ANK2: variants seen among roughly 807,000 people sequenced by gnomAD.
The protein encoded by ANK2 is ankyrin-2.
A neutral mutation model predicts 360.5 loss-of-function variants in ANK2; 83 were observed. The observed-to-expected ratio is 0.23, with a 90% confidence interval of 0.19 to 0.28. The LOEUF is 0.28. Ranked by LOEUF, ANK2 falls within the 10% of genes least tolerant of loss-of-function variation. The probability of loss-of-function intolerance (pLI) is 1.00; values close to 1 mark genes in which losing one functional copy is unlikely to be tolerated. For synonymous variants in ANK2, 1,740 were observed against 1,759.5 expected, an observed-to-expected ratio of 0.99 and a Z score of 0.28; for missense variants, 4,201 against 4,795.7, an observed-to-expected ratio of 0.88 and a Z score of 3.66.
intron 14 of ANK2, among the ~76,000 whole-genome samples, chr4:113,273,358 G>A (rs2059176632): frequency 1.3e-5 from 2 of 152,308 alleles, no homozygotes; most frequent in African/African-American, 4.8e-5. Flanking sequence ...AATTGCAAAT[G>A]TTCACAAAAT....
At chr4:113,017,600 ATAT>A (rs2154295715) in intron 2 of ANK2, among the ~76,000 whole-genome samples, 1 of 152,308 alleles carries the variant, frequency 6.6e-6, no homozygotes, top group East Asian at 1.9e-4. Flanking sequence ...TTGGAAACCC[ATAT>A]TATTTGGGTT....
At chr4:113,187,215 A>G (rs2098548034) in intron 2 of ANK2, among the ~76,000 whole-genome samples, 1 of 152,214 alleles carries the variant, frequency 6.6e-6, no homozygotes, top group South Asian at 2.1e-4. Context: ...CCTTGGGAAA[A>G]AGAGAATTTG....
intron 1 of ANK2, chr4:112,826,856 T>C: frequency 7.0e-7 from 1 of 1,438,150 alleles, no homozygotes; most frequent in Non-Finnish European, 9.8e-7. Flanking sequence ...GCTTCAGGGA[T>C]GAAGATGACA....
At chr4:112,885,346 A>G (rs181181116) in intron 1 of ANK2, among the ~76,000 whole-genome samples, 2,543 of 151,592 alleles carry the variant, frequency 0.017, 36 homozygotes, top group Middle Eastern at 0.031. Context: ...TAAAAATATA[A>G]AAATTAGCTG....
At position 112,935,120 on chromosome 4, in the gene ANK2, A is replaced by AGTGTGT. The variant is rs10601105; in HGVS notation, c.21+30627_21+30632dup. ...AAGTGTAGGAACCGAAGTCAGAGAA[A>AGTGTGT]GTGTGTGTGTGTGTGTGTGTGTGTG... On this transcript the variant is annotated intron_variant, in intron 2 of 30. Transcript: ENST00000503271. Among the ~76,000 whole-genome samples, 1,216 of 148,852 alleles carry AGTGTGT rather than the reference A, an allele frequency of 8.2e-3. 11 individuals are homozygous for AGTGTGT. Among genetic ancestry groups the AGTGTGT allele is most frequent in the African/African-American group, 0.028 (1,130 of 40,714 alleles).
chr4:113,069,836 T>G (rs1252638759), intron 1 of ANK2: 1 of 152,218 alleles, frequency 6.6e-6, no homozygotes, highest in South Asian at 2.1e-4. Context: ...CAACCAGTAG[T>G]GCTGCTGCCG....
In ANK2 at chr4:113,087,484, C is replaced by A. The variant is rs552684872; in HGVS notation, c.84+37672C>A. Among the ~76,000 whole-genome samples the A allele has an allele frequency of 3.9e-5, 6 of 152,140 alleles. No homozygotes were observed. The East Asian group carries it at 1.2e-3, about 29-fold the overall frequency. ...TGTTATTCTATAGAAATTTAAAGTT[C>A]TTATCCATTATACTAAACTCATTGT... On this transcript the variant is annotated intron_variant, in intron 1 of 45. Coordinates refer to ENST00000357077, the MANE Select transcript of ANK2 (RefSeq NM_001148.6).
At chr4:112,815,829 C>G (rs2055585831), upstream of ANK2, among the ~76,000 whole-genome samples, 1 of 152,204 alleles carries the variant, frequency 6.6e-6, no homozygotes, top group Non-Finnish European at 1.5e-5. Flanking sequence ...ACCACGGGGA[C>G]AGAAGCTCCT....
At chr4:113,233,214 A>C (rs1464650487) in intron 5 of ANK2, among the ~76,000 whole-genome samples, 6 of 131,320 alleles carry the variant, frequency 4.6e-5, no homozygotes, top group Non-Finnish European at 7.8e-5. Flanking sequence ...GGCTCACTGC[A>C]AGCTCCGCCT....
In ANK2 at chr4:113,355,036, A is replaced by G. The variant is rs2095659239; in HGVS notation, c.6418A>G (p.Ile2140Val). 3 of 1,614,050 alleles carry G rather than the reference A, an allele frequency of 1.9e-6. No homozygotes were observed. Among genetic ancestry groups the G allele is most frequent in the African/African-American group, 1.3e-5 (1 of 75,060 alleles). Residue 2140 changes from isoleucine to valine, a missense_variant, in exon 38 of 46, where the codon ATT (isoleucine) becomes GTT (valine). Ile to Val is a conservative substitution (Grantham distance 29). Around this residue, in one of 4 missense-constraint regions of ANK2, gnomAD observed 2,642 missense variants for 2,714.5 expected, o/e 0.97. Coordinates refer to ENST00000357077, the MANE Select transcript of ANK2 (RefSeq NM_001148.6). ...RKTSTDFSEV[I>V]KQELEDNDKY... is the part of the protein sequence containing the mutation. ...AACCTCCACTGACTTCTCTGAGGTC[A>G]TTAAGCAAGAGTTGGAAGACAATGA...
intron 4 of ANK2, among the ~76,000 whole-genome samples, chr4:113,225,256 T>G (rs2099203491): frequency 6.6e-6 from 1 of 152,172 alleles, no homozygotes. Flanking sequence ...CCAGCAGCAT[T>G]TTATTCATGT....
chr4:112,990,327 C>G (rs2154278056), intron 2 of ANK2, among the ~76,000 whole-genome samples: 1 of 152,080 alleles, frequency 6.6e-6, no homozygotes, highest in East Asian at 1.9e-4. Flanking sequence ...AACTTGGAGT[C>G]CGTTAAAAGG....
intron 2 of ANK2, among the ~76,000 whole-genome samples, chr4:113,032,279 GT>G (rs1014072118): frequency 3.9e-5 from 6 of 152,030 alleles, no homozygotes; most frequent in Non-Finnish European, 8.8e-5. Flanking sequence ...TTTTGAATTG[GT>G]TTCTAATATA....
rs72556376 is a variant in ANK2 at position 113,360,843 on chromosome 4, C to T, written c.10702C>T (p.Arg3568Trp). The T allele has an allele frequency of 1.2e-4, 197 of 1,612,676 alleles. No homozygotes were observed. Among genetic ancestry groups the T allele is most frequent in the Middle Eastern group, 1.2e-3 (7 of 6,054 alleles). ...TCCAGATCCACAGGATGAGCAGGAA[C>T]GGATCGAGGAAAGGCTGGCTTATAT... ...HAEDPQDEQE[R>W]IEERLAYIAD... is the part of the protein sequence containing the mutation. The change falls in exon 39 of 46, where the codon CGG (arginine) becomes TGG (tryptophan). Residue 3568 changes from arginine to tryptophan, a missense_variant. Transcript: ENST00000357077.
At chr4:112,722,473 C>T in the ANK2 span, among the ~76,000 whole-genome samples, 1 of 152,124 alleles carries the variant, frequency 6.6e-6, no homozygotes, top group African/African-American at 2.4e-5. Context: ...TAACAGGAGG[C>T]CAGAAGTTGT....
intron 24 of ANK2, among the ~76,000 whole-genome samples, chr4:113,316,741 A>G (rs941584977): frequency 6.6e-6 from 1 of 152,234 alleles, no homozygotes; most frequent in African/African-American, 2.4e-5. Context: ...GATTTTACAA[A>G]TTGATTTAAA....
intron 37 of ANK2, among the ~76,000 whole-genome samples, chr4:113,351,969 A>C (rs1021909250): frequency 6.6e-6 from 1 of 152,206 alleles, no homozygotes; most frequent in East Asian, 1.9e-4. Context: ...TTTCTTCCTT[A>C]ACCTTAATGG....
chr4:113,140,561 A>T (rs1263112058), intron 1 of ANK2, among the ~76,000 whole-genome samples: 1 of 152,186 alleles, frequency 6.6e-6, no homozygotes, highest in Non-Finnish European at 1.5e-5. Flanking sequence ...TAATCCTTGG[A>T]TCTTGGAGGA....
chr4:113,333,746 A>G (rs918147854), intron 29 of ANK2, among the ~76,000 whole-genome samples: 1 of 152,200 alleles, frequency 6.6e-6, no homozygotes, highest in East Asian at 1.9e-4. Context: ...AGTTCATTCA[A>G]TTTCCTACCT....
Sources: gnomAD v4.1 joint callset for allele counts (sites outside exome capture counted in the v4.1 genomes callset) on GRCh38, gnomAD v4.1.1 for gene constraint, gnomAD v4.1.1 regional missense constraint, MANE v1.5 for transcripts, NCBI Gene and HGNC (gene_info 2026-07-23, HGNC 2026-07-21) for gene names.